Variants in GRM8 observed in about 807,000 individuals in gnomAD.
GRM8 encodes the protein metabotropic glutamate receptor 8.
In GRM8, 47 loss-of-function variants were observed where a neutral mutation model predicts 87.2. The observed-to-expected ratio is 0.54, with a 90% CI of 0.43 to 0.69. The LOEUF is 0.69. Among genes scored for constraint, GRM8 ranks in the 30% least tolerant of loss-of-function variants. The pLI is 0.00. For synonymous variants in GRM8, 396 were observed against 404.5 expected, an observed-to-expected ratio of 0.98 and a Z score of 0.25; for missense variants, 1,019 against 1,139.2, an observed-to-expected ratio of 0.89 and a Z score of 1.52.
chr7:127,157,422 GAA>G (rs1167779989), intron 2 of GRM8, among the ~76,000 whole-genome samples: 1 of 151,902 alleles, frequency 6.6e-6, no homozygotes, highest in Non-Finnish European at 1.5e-5. Flanking sequence ...ATTCTAAAAT[GAA>G]AAAATTTTAA....
intron 7 of GRM8, among the ~76,000 whole-genome samples, chr7:126,652,646 G>A (rs977805989): frequency 6.6e-6 from 1 of 152,140 alleles, no homozygotes; most frequent in African/African-American, 2.4e-5. Context: ...CTCCCATGCT[G>A]GATGCTTCCT....
At chr7:126,587,234 G>A (rs1796228391) in intron 8 of GRM8, among the ~76,000 whole-genome samples, 1 of 152,224 alleles carries the variant, frequency 6.6e-6, no homozygotes, top group South Asian at 2.1e-4. Flanking sequence ...TGGTGGGACT[G>A]TAAACTAGTT....
rs139384158 is a variant in GRM8, at chr7:126,856,227, T to C, written c.1156+46315A>G. Among the ~76,000 whole-genome samples, 795 of 152,228 alleles carry C rather than the reference T, an allele frequency of 5.2e-3. 2 individuals are homozygous for C. The highest frequency in any genetic ancestry group is 0.017 in the African/African-American group (720 of 41,538). The stretch of plus-strand genomic sequence containing the variant: ...GTTCAAGTAATTACTTGAAGAAATA[T>C]CATATCTTAAAATATTTCCATCCAG... On this transcript the variant is annotated intron_variant, in intron 6 of 10. Transcript: ENST00000339582.
chr7:127,098,277 A>G (rs540429341), intron 3 of GRM8, among the ~76,000 whole-genome samples: 1 of 152,344 alleles, frequency 6.6e-6, no homozygotes, highest in African/African-American at 2.4e-5. Flanking sequence ...GTATTTTACA[A>G]CATTAATACT....
At chr7:127,158,770 G>T (rs1792899815) in intron 2 of GRM8, among the ~76,000 whole-genome samples, 1 of 151,682 alleles carries the variant, frequency 6.6e-6, no homozygotes, top group African/African-American at 2.4e-5. Flanking sequence ...TTCGTAGGGG[G>T]ACACAAACAT....
chr7:127,248,264 T>C (rs1798682347), intron 1 of GRM8, among the ~76,000 whole-genome samples: 1 of 152,216 alleles, frequency 6.6e-6, no homozygotes, highest in East Asian at 1.9e-4. Context: ...ATTATTTCAT[T>C]TCCCTCTAAA....
At chr7:127,051,495 C>T (rs1031671649) in intron 3 of GRM8, among the ~76,000 whole-genome samples, 3 of 151,976 alleles carry the variant, frequency 2.0e-5, no homozygotes, top group Admixed American at 6.6e-5. Context: ...AGCAGCTCAC[C>T]GTAACCTTTT....
chr7:126,909,633 T>C (rs538932138), intron 3 of GRM8, among the ~76,000 whole-genome samples: 3 of 152,356 alleles, frequency 2.0e-5, no homozygotes, highest in Non-Finnish European at 4.4e-5. Context: ...CCTTGCAGCC[T>C]GTGTATTTTT....
At chr7:126,652,078 CCTT>C (rs767252173) in intron 7 of GRM8, among the ~76,000 whole-genome samples, 1 of 152,202 alleles carries the variant, frequency 6.6e-6, no homozygotes, top group Admixed American at 6.5e-5. Context: ...AGTATTTCCT[CCTT>C]CTTTTGGTAA....
At chr7:126,994,803 A>G (rs1421723387) in intron 3 of GRM8, among the ~76,000 whole-genome samples, 1 of 152,086 alleles carries the variant, frequency 6.6e-6, no homozygotes, top group East Asian at 1.9e-4. Context: ...CTAGACCTGC[A>G]TGGGTTCTGG....
At chr7:126,992,020 T>G (rs1211486573) in intron 3 of GRM8, among the ~76,000 whole-genome samples, 2 of 152,166 alleles carry the variant, frequency 1.3e-5, no homozygotes, top group Non-Finnish European at 2.9e-5. Flanking sequence ...TATAAAATTA[T>G]AGATAAATAA....
intron 2 of GRM8, among the ~76,000 whole-genome samples, chr7:127,147,329 A>G (rs572176600): frequency 6.6e-6 from 1 of 152,226 alleles, no homozygotes; most frequent in Admixed American, 6.5e-5. Context: ...ACTGCTGTGG[A>G]TGAGGGTCCT....
chr7:126,516,867 T>A (rs1463362836), intron 9 of GRM8, among the ~76,000 whole-genome samples: 7 of 152,118 alleles, frequency 4.6e-5, no homozygotes, highest in Non-Finnish European at 7.4e-5. Flanking sequence ...TTATGCTTTT[T>A]AATCAAATAC....
intron 2 of GRM8, among the ~76,000 whole-genome samples, chr7:127,156,670 C>T (rs1255120388): frequency 6.6e-6 from 1 of 151,980 alleles, no homozygotes; most frequent in East Asian, 1.9e-4. Context: ...GGATAGGGTT[C>T]AAGGCAGCAG....
intron 3 of GRM8, among the ~76,000 whole-genome samples, chr7:127,051,470 AT>A (rs999227416): frequency 2.0e-5 from 3 of 152,132 alleles, no homozygotes; most frequent in Non-Finnish European, 4.4e-5. Flanking sequence ...CCCAGACCCT[AT>A]TTGTGTTGGC....
In GRM8 at chr7:127,242,876, G is replaced by C; in HGVS notation, c.329C>G (p.Thr110Ser). The change falls in exon 2 of 11, where the codon ACC (threonine) becomes AGC (serine). Residue 110 changes from threonine to serine, a missense_variant. Thr to Ser is a moderately conservative substitution (Grantham distance 58, BLOSUM62 1). Transcript: ENST00000339582. ...VRILDTCSRD[T>S]YALEQSLTFV... ...TGTTAGAGACTGCTCCAAAGCATAG[G>C]TGTCCCTAGAGCACGTGTCGAGGAT... 6.2e-7 allele frequency: 1 copy of C among 1,614,028 alleles called. No homozygotes were observed. The highest frequency in any genetic ancestry group is 1.1e-5 in the South Asian group (1 of 91,088).
chr7:126,673,188 G>T (rs1380023351), intron 7 of GRM8, among the ~76,000 whole-genome samples: 4 of 152,238 alleles, frequency 2.6e-5, no homozygotes, highest in Non-Finnish European at 5.9e-5. Flanking sequence ...CTCTGGCCTT[G>T]TGAGAGTCCC....
chr7:126,551,193 G>A (rs574677078), intron 8 of GRM8, among the ~76,000 whole-genome samples: 3 of 152,014 alleles, frequency 2.0e-5, no homozygotes, highest in Admixed American at 6.6e-5. Context: ...TATGTCCCCT[G>A]TACCATCTTC....
At chr7:126,810,714 T>C (rs1446798657) in intron 6 of GRM8, among the ~76,000 whole-genome samples, 33 of 152,244 alleles carry the variant, frequency 2.2e-4, no homozygotes, top group Non-Finnish European at 1.0e-4. Flanking sequence ...GAAGGGAAAC[T>C]TTACAATTAT....
Sources: allele counts gnomAD v4.1 joint callset (sites outside exome capture counted in the v4.1 genomes callset), GRCh38; gene constraint gnomAD v4.1.1; transcripts MANE v1.5; gene names NCBI Gene and HGNC (gene_info 2026-07-23, HGNC 2026-07-21).